Variants in MAML2 observed in about 807,000 individuals in gnomAD.
MAML2 encodes mastermind like transcriptional coactivator 2, also known as mastermind-like protein 2.
MAML2 carries 22 observed loss-of-function variants against 96.1 expected under a neutral mutation model. The observed-to-expected ratio is 0.23, with a 90% confidence interval of 0.16 to 0.33. The LOEUF (loss-of-function observed/expected upper bound fraction) is 0.33. Among genes scored for constraint, MAML2 ranks in the 10% least tolerant of loss-of-function variants. The probability of loss-of-function intolerance (pLI) is 1.00; values close to 1 mark genes in which losing one functional copy is unlikely to be tolerated. For synonymous variants in MAML2, 561 were observed against 521.3 expected, an observed-to-expected ratio of 1.08 and a Z score of -1.04; for missense variants, 1,367 against 1,392.4, an observed-to-expected ratio of 0.98 and a Z score of 0.29.
At chr11:96,028,986 A>G (rs1267487676) in intron 2 of MAML2, among the ~76,000 whole-genome samples, 2 of 152,186 alleles carry the variant, frequency 1.3e-5, no homozygotes, top group Non-Finnish European at 1.5e-5. Flanking sequence ...GCAACTGAAT[A>G]ACACAGAGAG....
chr11:96,216,038 T>TA (rs71459795), intron 1 of MAML2, among the ~76,000 whole-genome samples: 29 of 150,062 alleles, frequency 1.9e-4, no homozygotes, highest in African/African-American at 2.4e-4. Flanking sequence ...TCAATTTGCT[T>TA]AAAAAAAAAA....
At position 96,236,449 on chromosome 11, in the gene MAML2, AT is replaced by A. The variant is rs199850237; in HGVS notation, c.513+104933del. On this transcript the variant is annotated intron_variant, in intron 1 of 4. Transcript: ENST00000524717. ...GAAAGTCTGTATCTTTCAAATAAAC[AT>A]TTTTTTCCCACATTCTTTCTGCCTG... Among the ~76,000 whole-genome samples the A allele has an allele frequency of 3.6e-3, 543 of 152,148 alleles. 5 individuals carry two copies. The highest frequency in any genetic ancestry group is 0.026 in the Admixed American group (401 of 15,276).
intron 1 of MAML2, among the ~76,000 whole-genome samples, chr11:96,299,060 A>ATATATATATATATATATATATATAT (rs1555037072): frequency 3.4e-4 from 19 of 56,322 alleles, no homozygotes; most frequent in African/African-American, 1.3e-3. Flanking sequence ...AAAAAAAAAA[A>ATATATATATATATATATATATATAT]ATATATATAT....
At chr11:96,078,589 G>A (rs367704812) in intron 2 of MAML2, among the ~76,000 whole-genome samples, 8 of 152,180 alleles carry the variant, frequency 5.3e-5, no homozygotes, top group Non-Finnish European at 7.3e-5. Context: ...CAATGATACC[G>A]GAACAGGAAC....
intron 2 of MAML2, among the ~76,000 whole-genome samples, chr11:96,025,938 A>G (rs1858510799): frequency 6.6e-6 from 1 of 152,202 alleles, no homozygotes; most frequent in Admixed American, 6.5e-5. Flanking sequence ...CAACAAATAA[A>G]CCCCAGCTAA....
At chr11:96,337,066 C>G (rs1389667194) in intron 1 of MAML2, among the ~76,000 whole-genome samples, 1 of 152,086 alleles carries the variant, frequency 6.6e-6, no homozygotes, top group Non-Finnish European at 1.5e-5. Context: ...CCACTTGAAC[C>G]CTTTTGCCTT....
At chr11:96,274,775 A>G (rs955331540) in intron 1 of MAML2, among the ~76,000 whole-genome samples, 1 of 152,094 alleles carries the variant, frequency 6.6e-6, no homozygotes. Flanking sequence ...TTTAATTTGG[A>G]AAAAAATGCA....
intron 2 of MAML2, among the ~76,000 whole-genome samples, chr11:96,006,650 C>T (rs1354271867): frequency 6.7e-6 from 1 of 149,336 alleles, no homozygotes; most frequent in Admixed American, 6.6e-5. Context: ...GCTCTGCCTC[C>T]CAGGTTCAAG....
intron 1 of MAML2, among the ~76,000 whole-genome samples, chr11:96,097,067 A>C (rs1359665825): frequency 6.6e-6 from 1 of 152,214 alleles, no homozygotes; most frequent in Admixed American, 6.5e-5. Flanking sequence ...TGGCACCAGC[A>C]CCATACAATC....
At chr11:96,123,833 G>C (rs1860391501) in intron 1 of MAML2, among the ~76,000 whole-genome samples, 1 of 152,066 alleles carries the variant, frequency 6.6e-6, no homozygotes, top group Admixed American at 6.6e-5. Context: ...CAGCACTTTG[G>C]GAGGCCGAGG....
intron 1 of MAML2, among the ~76,000 whole-genome samples, chr11:96,156,769 A>G (rs1009222050): frequency 1.4e-4 from 21 of 152,196 alleles, no homozygotes; most frequent in Admixed American, 6.5e-4. Context: ...CAACAATTCC[A>G]TCTGTTTTGT....
chr11:96,213,058 T>A (rs11021472), intron 1 of MAML2, among the ~76,000 whole-genome samples: 8,962 of 152,180 alleles, frequency 0.059, 860 homozygotes, highest in African/African-American at 0.2. Context: ...GTATCATATG[T>A]GGTAGGAACT....
intron 1 of MAML2, among the ~76,000 whole-genome samples, chr11:96,116,893 G>A (rs1355240803): frequency 6.6e-6 from 1 of 152,096 alleles, no homozygotes; most frequent in African/African-American, 2.4e-5. Flanking sequence ...CACATGAGGA[G>A]GACAACAAAA....
At chr11:96,277,233 T>G (rs1863002787) in intron 1 of MAML2, among the ~76,000 whole-genome samples, 1 of 152,160 alleles carries the variant, frequency 6.6e-6, no homozygotes, top group Non-Finnish European at 1.5e-5. Flanking sequence ...TCTCGATTTT[T>G]TTTTCTTTTA....
At chr11:96,007,289 G>GGTAT (rs1590958536) in intron 2 of MAML2, among the ~76,000 whole-genome samples, 1 of 89,372 alleles carries the variant, frequency 1.1e-5, no homozygotes, top group Non-Finnish European at 2.2e-5. Flanking sequence ...GGGATTACAG[G>GGTAT]CGTGAGCCAC....
chr11:96,228,985 C>T (rs548226280), intron 1 of MAML2, among the ~76,000 whole-genome samples: 2 of 147,614 alleles, frequency 1.4e-5, no homozygotes, highest in South Asian at 4.2e-4. Context: ...AAAAAAAATG[C>T]TCCCTAGTCT....
At chr11:96,051,963 G>A (rs189122131) in intron 2 of MAML2, among the ~76,000 whole-genome samples, 29 of 152,254 alleles carry the variant, frequency 1.9e-4, no homozygotes, top group East Asian at 7.7e-4. Flanking sequence ...CAAGGATTCC[G>A]TTTAGAAACT....
At chr11:96,121,407 A>G (rs1860337936) in intron 1 of MAML2, among the ~76,000 whole-genome samples, 1 of 152,230 alleles carries the variant, frequency 6.6e-6, no homozygotes, top group South Asian at 2.1e-4. Context: ...CCCCAGTAAC[A>G]GGAAGGAAAG....
chr11:96,283,182 G>T (rs1246835692), intron 1 of MAML2, among the ~76,000 whole-genome samples: 1 of 152,138 alleles, frequency 6.6e-6, no homozygotes, highest in Non-Finnish European at 1.5e-5. Flanking sequence ...AAGGTGTGGG[G>T]GTTTTTCTTT....
Sources: gnomAD v4.1 joint callset for allele counts (sites outside exome capture counted in the v4.1 genomes callset) on GRCh38, gnomAD v4.1.1 for gene constraint, MANE v1.5 for transcripts, NCBI Gene and HGNC (gene_info 2026-07-23, HGNC 2026-07-21) for gene names.